Variants in TMTC2 observed in about 807,000 individuals in gnomAD.
TMTC2 encodes the protein protein O-mannosyl-transferase TMTC2.
A neutral mutation model predicts 82.4 loss-of-function variants in TMTC2; 43 were observed. The observed-to-expected ratio is 0.52, with a 90% CI of 0.41 to 0.67. The LOEUF (loss-of-function observed/expected upper bound fraction) is 0.67, where lower values mean the gene tolerates loss of function less well. TMTC2 is among the 30% of genes least tolerant of loss of function. The pLI, the probability that TMTC2 is intolerant of heterozygous loss-of-function variation, is 0.00. For missense variants in TMTC2, 919 were observed against 1,012.4 expected (o/e 0.91, Z 1.25); for synonymous variants, 408 against 381.9 (o/e 1.07, Z -0.80).
intron 2 of TMTC2, among the ~76,000 whole-genome samples, chr12:82,877,330 A>G (rs1324487473): frequency 6.6e-6 from 1 of 152,206 alleles, no homozygotes; most frequent in Non-Finnish European, 1.5e-5. Context: ...CTACAATTGC[A>G]TCCTTTCCAA....
intron 2 of TMTC2, among the ~76,000 whole-genome samples, chr12:82,874,009 TAA>T (rs1301167622): frequency 6.6e-6 from 1 of 152,214 alleles, no homozygotes; most frequent in Non-Finnish European, 1.5e-5. Flanking sequence ...AACGATTCTA[TAA>T]AAATTTAATA....
chr12:82,997,344 G>GTATA (rs1241033159), intron 8 of TMTC2, among the ~76,000 whole-genome samples: 3 of 21,012 alleles, frequency 1.4e-4, no homozygotes, highest in African/African-American at 3.6e-4. Flanking sequence ...GTGTGTGTGT[G>GTATA]TGTGTATATA....
intron 4 of TMTC2, among the ~76,000 whole-genome samples, chr12:82,937,922 A>T (rs71437090): frequency 0.75 from 98,166 of 131,494 alleles, 37,891 homozygotes; most frequent in South Asian, 0.86. Context: ...TTTTTTTTTT[A>T]TTTTTTTTTT....
chr12:82,929,384 A>G (rs1171359894), intron 3 of TMTC2, among the ~76,000 whole-genome samples: 2 of 152,158 alleles, frequency 1.3e-5, no homozygotes, highest in Non-Finnish European at 2.9e-5. Context: ...CAGCTTGTTT[A>G]TATTAACACA....
chr12:83,086,336 T>C (rs1883658569), intron 11 of TMTC2, among the ~76,000 whole-genome samples: 1 of 152,202 alleles, frequency 6.6e-6, no homozygotes, highest in African/African-American at 2.4e-5. Flanking sequence ...GGAGACACTT[T>C]GATTTTAATT....
At chr12:83,131,091 C>T (rs1448248745) in intron 11 of TMTC2, among the ~76,000 whole-genome samples, 3 of 152,140 alleles carry the variant, frequency 2.0e-5, no homozygotes, top group Non-Finnish European at 2.9e-5. Flanking sequence ...ATTGTGATTT[C>T]GGACTTTAAC....
intron 7 of TMTC2, among the ~76,000 whole-genome samples, chr12:82,972,113 A>G (rs1004902816): frequency 6.6e-6 from 1 of 152,222 alleles, no homozygotes; most frequent in African/African-American, 2.4e-5. Context: ...CTTAAGAAAT[A>G]CATATTCATA....
In TMTC2 at chr12:82,965,572, A is replaced by G. The variant is rs750644771; in HGVS notation, c.1697A>G (p.Asn566Ser). The stretch of plus-strand genomic sequence containing the variant: ...TTTTCCCCCTCAGCTGCATATTTAA[A>G]TACCGGTATTATTCTAATGAACCAA... ...SRPTLASAYLNTGIILMNQGR... is the reference protein window; with the variant it reads ...SRPTLASAYLSTGIILMNQGR... Residue 566 changes from asparagine to serine, a missense_variant, in exon 6 of 12, where the codon AAT becomes AGT. By Grantham distance (46) the Asn-to-Ser change is conservative (BLOSUM62 1). Coordinates refer to ENST00000321196, the MANE Select transcript of TMTC2 (RefSeq NM_152588.3). The G allele has an allele frequency of 6.8e-6, 11 of 1,613,464 alleles. No individual in the cohort carries two copies. Among genetic ancestry groups the G allele is most frequent in the African/African-American group, 2.7e-5 (2 of 74,880 alleles).
rs139519240 is a variant in TMTC2, at chr12:82,716,055, G to A, written c.83+28386G>A. Among the ~76,000 whole-genome samples, 553 of 152,214 alleles carry A rather than the reference G, an allele frequency of 3.6e-3. 15 individuals carry two copies. Among genetic ancestry groups the A allele is most frequent in the Admixed American group, 0.033 (503 of 15,300 alleles). ...GGATAAGAGGTGTTTTGATTCTTTT[G>A]CTTGGTTTTGGAAAACTTGGTGTCT... is the stretch of plus-strand genomic sequence containing the variant. On this transcript the variant is annotated intron_variant, in intron 1 of 11. Coordinates refer to ENST00000321196, the MANE Select transcript of TMTC2 (RefSeq NM_152588.3).
At chr12:82,931,252 T>G (rs1876014926) in intron 4 of TMTC2, among the ~76,000 whole-genome samples, 4 of 152,080 alleles carry the variant, frequency 2.6e-5, no homozygotes, top group South Asian at 4.1e-4. Flanking sequence ...AAAAAAAAAT[T>G]GCTGTATCAA....
At chr12:82,770,947 G>A (rs1877268634) in intron 1 of TMTC2, among the ~76,000 whole-genome samples, 1 of 152,066 alleles carries the variant, frequency 6.6e-6, no homozygotes, top group African/African-American at 2.4e-5. Context: ...AGTGGCTCAC[G>A]CCTCTAATTC....
intron 8 of TMTC2, among the ~76,000 whole-genome samples, chr12:82,997,221 C>CTCTCTCTCTCTCTCTCTATATATA (rs1451262969): frequency 1.9e-3 from 226 of 118,526 alleles, no homozygotes; most frequent in African/African-American, 7.6e-3. Flanking sequence ...CTCTCTCTCT[C>CTCTCTCTCTCTCTCTCTATATATA]TATATATATA....
At chr12:82,781,044 T>C (rs1486590899) in intron 1 of TMTC2, among the ~76,000 whole-genome samples, 1 of 152,118 alleles carries the variant, frequency 6.6e-6, no homozygotes, top group African/African-American at 2.4e-5. Context: ...TTTTGCAGTT[T>C]TAGATATTTT....
At position 82,765,677 on chromosome 12, in the gene TMTC2, A is replaced by C. The variant is rs539018795; in HGVS notation, c.83+78008A>C. Among the ~76,000 whole-genome samples, 5 of 151,504 alleles carry C rather than the reference A, an allele frequency of 3.3e-5. No homozygotes were observed. In the South Asian group the frequency reaches 1.0e-3, roughly 32 times the overall value. ...CAACAAGAGTGAAACTCCATCTCGA[A>C]AAAACAAAACAAAACAAAACAAAAC... is the stretch of plus-strand genomic sequence containing the variant. On this transcript the variant is annotated intron_variant, in intron 1 of 11. Coordinates refer to ENST00000321196, the MANE Select transcript of TMTC2 (RefSeq NM_152588.3).
At chr12:82,873,279 T>G (rs1191874101) in intron 2 of TMTC2, among the ~76,000 whole-genome samples, 3 of 149,548 alleles carry the variant, frequency 2.0e-5, no homozygotes, top group African/African-American at 7.5e-5. Flanking sequence ...GGATCTGTAG[T>G]GAAAAGTTTT....
intron 1 of TMTC2, among the ~76,000 whole-genome samples, chr12:82,837,333 C>T (rs979279592): frequency 6.6e-6 from 1 of 152,074 alleles, no homozygotes; most frequent in Non-Finnish European, 1.5e-5. Flanking sequence ...AATGGCTGGG[C>T]ATGGTGACGC....
At chr12:82,705,385 G>T (rs952188939) in intron 1 of TMTC2, among the ~76,000 whole-genome samples, 1 of 152,184 alleles carries the variant, frequency 6.6e-6, no homozygotes, top group Non-Finnish European at 1.5e-5. Context: ...TCAGACAAAA[G>T]ATTTAATTAT....
intron 9 of TMTC2, among the ~76,000 whole-genome samples, chr12:83,033,577 C>G (rs1881529524): frequency 6.6e-6 from 1 of 151,918 alleles, no homozygotes; most frequent in South Asian, 2.1e-4. Flanking sequence ...ATGGAGAAAC[C>G]CCGTCTCTAC....
At chr12:82,721,270 G>A (rs1170773550) in intron 1 of TMTC2, among the ~76,000 whole-genome samples, 2 of 151,998 alleles carry the variant, frequency 1.3e-5, no homozygotes, top group Non-Finnish European at 1.5e-5. Context: ...CTGCTGGGTC[G>A]GTTTATAAGG....
Sources: gnomAD v4.1 joint callset for allele counts (sites outside exome capture counted in the v4.1 genomes callset) on GRCh38, gnomAD v4.1.1 for gene constraint, MANE v1.5 for transcripts, NCBI Gene and HGNC (gene_info 2026-07-23, HGNC 2026-07-21) for gene names.